The following LRP1B variants were observed in gnomAD, a reference collection of about 807,000 sequenced individuals.
LRP1B encodes the protein low-density lipoprotein receptor-related protein 1B.
LRP1B carries 217 observed loss-of-function variants against 556.6 expected under a neutral mutation model. That is an observed-to-expected ratio of 0.39 (90% CI 0.35 to 0.44). The LOEUF (loss-of-function observed/expected upper bound fraction) is 0.44. LRP1B is among the 20% of genes least tolerant of loss of function. The pLI, the probability that LRP1B is intolerant of heterozygous loss-of-function variation, is 1.00. For synonymous variants in LRP1B, 2,047 were observed against 1,865.8 expected (o/e 1.10, Z -2.50); for missense variants, 5,053 against 5,620.8 (o/e 0.90, Z 3.23).
chr2:141,348,293 TACAA>T (rs1325128426), intron 3 of LRP1B, among the ~76,000 whole-genome samples: 4 of 151,986 alleles, frequency 2.6e-5, no homozygotes, highest in Non-Finnish European at 5.9e-5. Context: ...TAGAAGAAAG[TACAA>T]ACAGATTTTG....
chr2:140,572,867 G>T (rs1011675183), intron 43 of LRP1B, among the ~76,000 whole-genome samples: 2 of 149,798 alleles, frequency 1.3e-5, no homozygotes, highest in South Asian at 2.1e-4. Flanking sequence ...CAACATGGAA[G>T]TTTGTAGGAC....
rs1032551269 is a variant in LRP1B, at chr2:141,534,162, C to T, written c.206-53629G>A. 2.6e-5 allele frequency among the ~76,000 whole-genome samples: 4 copies of T among 152,042 alleles called. No individual in the cohort carries two copies. The South Asian group carries it at 6.2e-4, about 24-fold the overall frequency. On this transcript the variant is annotated intron_variant, in intron 2 of 90. Coordinates refer to ENST00000389484, the MANE Select transcript of LRP1B (RefSeq NM_018557.3). ...CCATCAAGAGGATATCCTCTGAATG[C>T]ATGGGCCATATTTGTTCTTTAAATA...
At chr2:141,998,827 G>A (rs759545964) in intron 1 of LRP1B, among the ~76,000 whole-genome samples, 30 of 152,192 alleles carry the variant, frequency 2.0e-4, no homozygotes, top group South Asian at 4.1e-4. Context: ...GGTTAAGATA[G>A]GGGGTTATGG....
intron 3 of LRP1B, among the ~76,000 whole-genome samples, chr2:141,468,831 C>T (rs1440779907): frequency 6.6e-6 from 1 of 152,120 alleles, no homozygotes; most frequent in Non-Finnish European, 1.5e-5. Context: ...AAAAATTGCT[C>T]TTTAGGGCTT....
At chr2:141,749,854 G>A (rs62168670) in intron 2 of LRP1B, among the ~76,000 whole-genome samples, 9,125 of 152,112 alleles carry the variant, frequency 0.06, 318 homozygotes, top group Admixed American at 0.1. Context: ...GGGATTGAAG[G>A]TGATAATAAT....
chr2:141,517,672 C>A (rs1684374796), intron 2 of LRP1B, among the ~76,000 whole-genome samples: 2 of 152,026 alleles, frequency 1.3e-5, no homozygotes, highest in African/African-American at 2.4e-5. Flanking sequence ...AAAGAAAAGT[C>A]CAGACCATCT....
chr2:140,551,678 G>A (rs1680553526), intron 43 of LRP1B, among the ~76,000 whole-genome samples: 1 of 152,130 alleles, frequency 6.6e-6, no homozygotes, highest in Non-Finnish European at 1.5e-5. Flanking sequence ...AGAACCAAAA[G>A]AGTTTCAGAG....
At chr2:141,351,076 G>A (rs188177612) in intron 3 of LRP1B, among the ~76,000 whole-genome samples, 3 of 151,960 alleles carry the variant, frequency 2.0e-5, no homozygotes, top group Non-Finnish European at 4.4e-5. Flanking sequence ...CATTTTTATG[G>A]CTACTTTCAG....
intron 3 of LRP1B, among the ~76,000 whole-genome samples, chr2:141,463,625 T>C (rs1422566151): frequency 3.3e-5 from 4 of 119,690 alleles, no homozygotes; most frequent in African/African-American, 1.5e-4. Context: ...TTATGTATTA[T>C]ATATTATTAT....
chr2:141,198,958 C>T (rs1304728501), intron 6 of LRP1B, among the ~76,000 whole-genome samples: 1 of 152,144 alleles, frequency 6.6e-6, no homozygotes, highest in Non-Finnish European at 1.5e-5. Flanking sequence ...CTTGTTTAGA[C>T]ACTATCTTAT....
intron 77 of LRP1B, among the ~76,000 whole-genome samples, chr2:140,349,557 C>A (rs905876957): frequency 2.0e-5 from 3 of 151,580 alleles, no homozygotes; most frequent in Middle Eastern, 6.4e-3. Flanking sequence ...AGTTAATATA[C>A]TAATATGTAA....
intron 35 of LRP1B, among the ~76,000 whole-genome samples, chr2:140,748,591 G>GTATATATA (rs70988428): frequency 0.011 from 821 of 73,224 alleles, 10 homozygotes; most frequent in East Asian, 0.048. Context: ...TATACAGTGT[G>GTATATATA]TATATATATA....
intron 7 of LRP1B, among the ~76,000 whole-genome samples, chr2:141,073,155 A>G (rs1268549883): frequency 1.3e-5 from 2 of 152,154 alleles, no homozygotes; most frequent in African/African-American, 2.4e-5. Context: ...ACTTTGCTAC[A>G]GAATTTTTCA....
At chr2:140,902,857 T>C in intron 23 of LRP1B, 63 bp downstream of exon 23, 1 of 1,539,682 alleles carries the variant, frequency 6.5e-7, no homozygotes, top group Non-Finnish European at 8.9e-7. Flanking sequence ...GAAGCAGTTT[T>C]GGGATTTGTT....
intron 21 of LRP1B, among the ~76,000 whole-genome samples, chr2:140,920,412 A>T (rs994342851): frequency 6.6e-6 from 1 of 152,094 alleles, no homozygotes; most frequent in Admixed American, 6.6e-5. Flanking sequence ...ACCATATATA[A>T]ATTAATTAGC....
chr2:140,903,479 A>T (rs1173012304), intron 22 of LRP1B, among the ~76,000 whole-genome samples: 1 of 152,098 alleles, frequency 6.6e-6, no homozygotes, highest in Non-Finnish European at 1.5e-5. Flanking sequence ...GACTGGAAAG[A>T]TTATGCTGAG....
At chr2:140,781,865 AT>A (rs1275806706) in intron 32 of LRP1B, among the ~76,000 whole-genome samples, 1 of 152,156 alleles carries the variant, frequency 6.6e-6, no homozygotes, top group African/African-American at 2.4e-5. Context: ...ATGATTTTGT[AT>A]TTAATGGTTG....
intron 1 of LRP1B, among the ~76,000 whole-genome samples, chr2:142,028,694 C>G (rs376601855): frequency 6.6e-6 from 1 of 151,888 alleles, no homozygotes; most frequent in South Asian, 2.1e-4. Context: ...GCCTAGAAGT[C>G]GGGTTCAGTG....
intron 18 of LRP1B, among the ~76,000 whole-genome samples, chr2:140,961,881 A>G (rs1469714982): frequency 6.6e-6 from 1 of 152,182 alleles, no homozygotes; most frequent in African/African-American, 2.4e-5. Flanking sequence ...ATACTACCTT[A>G]TATGCAAGTA....
Sources: gnomAD v4.1 joint callset for allele counts (sites outside exome capture counted in the v4.1 genomes callset) on GRCh38, gnomAD v4.1.1 for gene constraint, MANE v1.5 for transcripts, NCBI Gene and HGNC (gene_info 2026-07-23, HGNC 2026-07-21) for gene names.